The following CCL24 variants were observed in gnomAD, a reference collection of about 807,000 sequenced individuals.
CCL24 encodes C-C motif chemokine ligand 24, also known as C-C motif chemokine 24.
CCL24 carries 6 observed loss-of-function variants against 8.6 expected under a neutral mutation model. The observed-to-expected ratio is 0.70, with a 90% CI of 0.38 to 1.38. The LOEUF is 1.38. CCL24 is among the 40% of genes most tolerant of loss of function. The pLI is 0.02. For missense variants in CCL24, 126 were observed against 147.1 expected (o/e 0.86, Z 0.74); for synonymous variants, 59 against 52.7 (o/e 1.12, Z -0.52).
chr7:75,814,660 G>C (rs150333038), upstream of CCL24, among the ~76,000 whole-genome samples: 1 of 151,842 alleles, frequency 6.6e-6, no homozygotes. Flanking sequence ...ATCAGCTCTC[G>C]GTGGCCTTGA....
intron 1 of CCL24, among the ~76,000 whole-genome samples, chr7:75,820,910 T>A (rs1804036881): frequency 6.7e-6 from 1 of 149,692 alleles, no homozygotes; most frequent in South Asian, 2.1e-4. Context: ...AATCCATCCA[T>A]CTATCCATCA....
upstream of CCL24, among the ~76,000 whole-genome samples, chr7:75,817,154 C>CTGTGCCCAGCTCATCATGATGTCT (rs1563352322): frequency 2.6e-5 from 4 of 152,180 alleles, no homozygotes; most frequent in Non-Finnish European, 4.4e-5. Flanking sequence ...GCATGAGCCA[C>CTGTGCCCAGCTCATCATGATGTCT]TGTGCCCAGC....
chr7:75,814,334 A>G (rs76678369), upstream of CCL24, among the ~76,000 whole-genome samples: 383 of 152,170 alleles, frequency 2.5e-3, 3 homozygotes, highest in African/African-American at 8.9e-3. Context: ...GGAAGTTTCA[A>G]GTGGGAGGAT....
At chr7:75,819,409 G>C (rs1803978146) in intron 1 of CCL24, among the ~76,000 whole-genome samples, 1 of 142,108 alleles carries the variant, frequency 7.0e-6, no homozygotes, top group Non-Finnish European at 1.5e-5. Flanking sequence ...AGGATTGCTT[G>C]AGCTCAGGTG....
chr7:75,822,744 G>A (rs1332244434), intron 1 of CCL24, among the ~76,000 whole-genome samples: 1 of 152,166 alleles, frequency 6.6e-6, no homozygotes, highest in African/African-American at 2.4e-5. Flanking sequence ...CATGAGAATT[G>A]CTTGAATCCA....
chr7:75,817,292 T>C (rs7802368), upstream of CCL24, among the ~76,000 whole-genome samples: 27,416 of 151,274 alleles, frequency 0.18, 3,173 homozygotes, highest in East Asian at 0.47. Context: ...GAGGAGGAAG[T>C]TGGGGGGAGA....
At chr7:75,812,189 G>A (rs570260969) in intron 2 of CCL24, among the ~76,000 whole-genome samples, 2 of 152,008 alleles carry the variant, frequency 1.3e-5, no homozygotes, top group South Asian at 2.1e-4. Flanking sequence ...GGCTCAAGCT[G>A]TCCTCCCGCC....
rs375285610 is a variant in CCL24, at chr7:75,811,251, G to A, written c.*545C>T. Among the ~76,000 whole-genome samples the A allele has an allele frequency of 1.5e-3, 223 of 151,912 alleles. No individual in the cohort carries two copies. The highest frequency in any genetic ancestry group is 5.2e-3 in the African/African-American group (215 of 41,470). ...CCCAGCACTTTGGGAGGCCGAGGCAGGTAGATCACTTGAGGCCAGGAGTTT... is the reference window on the plus strand; with the variant it reads ...CCCAGCACTTTGGGAGGCCGAGGCAAGTAGATCACTTGAGGCCAGGAGTTT... On this transcript the variant is annotated 3_prime_UTR_variant, in exon 3 of 3. Transcript: ENST00000222902.
In CCL24 at chr7:75,811,147, TAA is replaced by T. The variant is rs56657658; in HGVS notation, c.*647_*648del. On this transcript the variant is annotated 3_prime_UTR_variant, in exon 3 of 3. Transcript: ENST00000222902. Reference sequence around the variant, plus strand: ...CCCAGTCCTCCACGTTCATTTCCTTTAAAAAAAAAAAAATTATGATTTTTTTT... The same window carrying T: ...CCCAGTCCTCCACGTTCATTTCCTTTAAAAAAAAAAATTATGATTTTTTTT... Among the ~76,000 whole-genome samples, 6,967 of 146,094 alleles carry T rather than the reference TAA, an allele frequency of 0.048. 214 individuals carry two copies. Among genetic ancestry groups the T allele is most frequent in the South Asian group, 0.12 (544 of 4,640 alleles).
chr7:75,821,927 CA>C lies in CCL24; in HGVS notation c.-60+1394del, dbSNP rs1287627655. On this transcript the variant is annotated intron_variant, in intron 1 of 3. Transcript: ENST00000416943. ...TGGGCGACAGAGCGAGACTCCGTCT[CA>C]AAAAAAAAAAAAAAGAAAACAAAAT... Among the ~76,000 whole-genome samples the C allele has an allele frequency of 6.5e-3, 485 of 74,178 alleles. 7 individuals are homozygous for C. Among genetic ancestry groups the C allele is most frequent in the Non-Finnish European group, 6.3e-3 (207 of 33,118 alleles). The allele number at this position is 74,178 out of a possible 152,430, so 48.7% of individuals were successfully genotyped here.
upstream of CCL24, among the ~76,000 whole-genome samples, chr7:75,817,941 C>T (rs1323139161): frequency 1.3e-5 from 2 of 151,630 alleles, no homozygotes; most frequent in Non-Finnish European, 2.9e-5. Context: ...AGCAATTCTC[C>T]TGCCTCAGCC....
intron 1 of CCL24, among the ~76,000 whole-genome samples, chr7:75,820,148 CCTCCTTCTCCTTCTCCTTCTCCTT>C (rs376518219): frequency 1.7e-4 from 17 of 98,220 alleles, no homozygotes; most frequent in South Asian, 1.2e-3. Flanking sequence ...TCCTCCTCCT[CCTCCTTCTCCTTCTCCTTCTCCTT>C]CTCCTTCTCC....
chr7:75,821,924 T>G (rs2115819542), intron 1 of CCL24, among the ~76,000 whole-genome samples: 1 of 128,552 alleles, frequency 7.8e-6, no homozygotes, highest in African/African-American at 3.0e-5. Context: ...CGAGACTCCG[T>G]CTCAAAAAAA....
upstream of CCL24, among the ~76,000 whole-genome samples, chr7:75,815,352 A>G (rs2115788264): frequency 6.6e-6 from 1 of 151,716 alleles, no homozygotes; most frequent in East Asian, 1.9e-4. Context: ...AAAAAAAAAA[A>G]AAAGAAAGGC....
upstream of CCL24, among the ~76,000 whole-genome samples, chr7:75,816,052 G>A (rs577111705): frequency 1.3e-5 from 2 of 152,262 alleles, no homozygotes; most frequent in South Asian, 4.1e-4. Flanking sequence ...GGAGCACAGT[G>A]GTACTCGTCA....
At chr7:75,814,530 C>T (rs574384335), upstream of CCL24, among the ~76,000 whole-genome samples, 68 of 152,176 alleles carry the variant, frequency 4.5e-4, no homozygotes, top group Middle Eastern at 3.4e-3. Context: ...CACACCACTG[C>T]CTCTCCAGGC....
upstream of CCL24, among the ~76,000 whole-genome samples, chr7:75,816,087 G>A (rs782197876): frequency 1.7e-4 from 26 of 152,140 alleles, 1 homozygote; most frequent in African/African-American, 1.2e-4. Context: ...GGGTGTCTGC[G>A]TCTCAGTCTC....
At chr7:75,818,608 T>A (rs1417493801), upstream of CCL24, among the ~76,000 whole-genome samples, 2 of 142,102 alleles carry the variant, frequency 1.4e-5, no homozygotes, top group African/African-American at 5.2e-5. Context: ...AGACCCGGAC[T>A]CTTTAAAAAA....
intron 1 of CCL24, among the ~76,000 whole-genome samples, chr7:75,822,658 A>T (rs1554535239): frequency 6.6e-6 from 1 of 152,004 alleles, no homozygotes; most frequent in Admixed American, 6.6e-5. Flanking sequence ...GGTGAAACCC[A>T]TCTCTACTAA....
Sources: gnomAD v4.1 joint callset for allele counts (sites outside exome capture counted in the v4.1 genomes callset) on GRCh38, gnomAD v4.1.1 for gene constraint, MANE v1.5 for transcripts, NCBI Gene and HGNC (gene_info 2026-07-23, HGNC 2026-07-21) for gene names.